Variants in ATOSA observed in about 807,000 individuals in gnomAD.
ATOSA encodes atos homolog protein A.
the ATOSA span, among the ~76,000 whole-genome samples, chr15:52,591,123 A>G: frequency 1.3e-5 from 2 of 152,356 alleles, no homozygotes; most frequent in East Asian, 3.9e-4. Flanking sequence ...AATTTCCATC[A>G]AAGATATTTA....
chr15:52,659,811 A>G, the ATOSA span, among the ~76,000 whole-genome samples: 6 of 152,192 alleles, frequency 3.9e-5, no homozygotes, highest in African/African-American at 9.6e-5. Context: ...GTTCAAGACC[A>G]TCTTGGCCAA....
At chr15:52,664,992 A>G in the ATOSA span, among the ~76,000 whole-genome samples, 28 of 152,270 alleles carry the variant, frequency 1.8e-4, no homozygotes, top group African/African-American at 6.7e-4. Context: ...AAATTGTCCA[A>G]AAGAAAAAAA....
the ATOSA span, chr15:52,657,347 G>A: frequency 6.6e-6 from 1 of 152,168 alleles, no homozygotes; most frequent in Non-Finnish European, 1.5e-5. Flanking sequence ...GGTGTAAGGA[G>A]ACTCAATCAT....
the ATOSA span, chr15:52,652,163 G>A: frequency 3.3e-5 from 32 of 956,242 alleles, no homozygotes; most frequent in Admixed American, 1.5e-4. Context: ...CTGTCTACTT[G>A]GCAGCACTGT....
chr15:52,634,766 T>G, the ATOSA span, among the ~76,000 whole-genome samples: 1 of 152,128 alleles, frequency 6.6e-6, no homozygotes, highest in Admixed American at 6.5e-5. Context: ...CATGCCCAGC[T>G]AATTTTTGTA....
the ATOSA span, among the ~76,000 whole-genome samples, chr15:52,642,051 A>G: frequency 6.6e-6 from 1 of 152,254 alleles, no homozygotes; most frequent in Non-Finnish European, 1.5e-5. Flanking sequence ...AAGCACAACT[A>G]TTATGATCAA....
chr15:52,625,498 A>AC, the ATOSA span, among the ~76,000 whole-genome samples: 87 of 152,176 alleles, frequency 5.7e-4, no homozygotes, highest in African/African-American at 2.0e-3. Context: ...TTATTCCTCA[A>AC]CACTCTATTA....
At chr15:52,620,966 CTT>C in the ATOSA span, among the ~76,000 whole-genome samples, 5 of 152,060 alleles carry the variant, frequency 3.3e-5, no homozygotes, top group Non-Finnish European at 7.4e-5. Context: ...AAAAAGTGTC[CTT>C]TTTACTTCAT....
At chr15:52,603,039 T>C in the ATOSA span, among the ~76,000 whole-genome samples, 1 of 152,240 alleles carries the variant, frequency 6.6e-6, no homozygotes, top group Non-Finnish European at 1.5e-5. Context: ...TCTACCATAT[T>C]GACCAGAAGT....
At chr15:52,664,119 C>G in the ATOSA span, among the ~76,000 whole-genome samples, 1 of 152,226 alleles carries the variant, frequency 6.6e-6, no homozygotes, top group African/African-American at 2.4e-5. Context: ...GAAGGCCACT[C>G]TGCCTTGTGC....
the ATOSA span, among the ~76,000 whole-genome samples, chr15:52,675,679 C>T: frequency 3.9e-5 from 6 of 152,080 alleles, no homozygotes; most frequent in Non-Finnish European, 7.4e-5. Flanking sequence ...GAGGCCGAGG[C>T]GGGCGGATCA....
At chr15:52,682,660 T>C in the ATOSA span, among the ~76,000 whole-genome samples, 1 of 152,218 alleles carries the variant, frequency 6.6e-6, no homozygotes, top group Non-Finnish European at 1.5e-5. Context: ...ATTTTAAAGA[T>C]GGTAATCAGT....
At chr15:52,593,496 T>C in the ATOSA span, 4 of 1,297,028 alleles carry the variant, frequency 3.1e-6, no homozygotes, top group African/African-American at 4.5e-5. Context: ...ATTTATATTT[T>C]CAAGTACTGC....
At chr15:52,621,465 T>C in the ATOSA span, among the ~76,000 whole-genome samples, 1 of 152,230 alleles carries the variant, frequency 6.6e-6, no homozygotes, top group Non-Finnish European at 1.5e-5. Flanking sequence ...TCAGAGTTAT[T>C]ACTTTTTGTA....
the ATOSA span, among the ~76,000 whole-genome samples, chr15:52,685,004 C>A: frequency 6.6e-6 from 1 of 152,154 alleles, no homozygotes; most frequent in Admixed American, 6.5e-5. Context: ...AAATATTGAT[C>A]ACATGTTGAA....
the ATOSA span, among the ~76,000 whole-genome samples, chr15:52,663,679 T>C: frequency 2.0e-5 from 3 of 152,178 alleles, no homozygotes; most frequent in Admixed American, 6.5e-5. Flanking sequence ...TAGAGTGCAA[T>C]GGCTTTATCA....
the ATOSA span, among the ~76,000 whole-genome samples, chr15:52,663,119 C>G: frequency 6.6e-6 from 1 of 152,154 alleles, no homozygotes; most frequent in African/African-American, 2.4e-5. Context: ...ATCTGCCGAC[C>G]GTTAAACAAT....
the ATOSA span, among the ~76,000 whole-genome samples, chr15:52,647,253 AAT>A: frequency 7.2e-6 from 1 of 139,462 alleles, no homozygotes; most frequent in African/African-American, 2.6e-5. Flanking sequence ...AAAAAAAAAA[AAT>A]CACAAAAATT....
At chr15:52,611,723 G>T in the ATOSA span, 1 of 1,613,998 alleles carries the variant, frequency 6.2e-7, no homozygotes, top group Non-Finnish European at 8.5e-7. Flanking sequence ...ATGATTGGAA[G>T]GTTATTCTTC....
Sources: allele counts gnomAD v4.1 joint callset (sites outside exome capture counted in the v4.1 genomes callset), GRCh38; gene constraint gnomAD v4.1.1; transcripts MANE v1.5; gene names NCBI Gene and HGNC (gene_info 2026-07-23, HGNC 2026-07-21).